DMD: variants seen among roughly 807,000 people sequenced by gnomAD.
DMD encodes the protein mutant dystrophin.
In DMD, 63 loss-of-function variants were observed where a neutral mutation model predicts 330.1. The ratio of observed to expected loss-of-function variants is 0.19; its 90% confidence interval spans 0.16 to 0.24. The LOEUF is 0.24. Among genes scored for constraint, DMD ranks in the 10% least tolerant of loss-of-function variants. The pLI, the probability that DMD is intolerant of heterozygous loss-of-function variation, is 1.00. For synonymous variants in DMD, 1,223 were observed against 959.8 expected (o/e 1.27, Z -5.07); for missense variants, 3,344 against 2,684.1 (o/e 1.25, Z -5.43).
intron 7 of DMD, among the ~76,000 whole-genome samples, chrX:32,786,901 A>G: frequency 9.0e-6 from 1 of 111,603 alleles, no homozygotes; most frequent in South Asian, 3.7e-4. Flanking sequence ...ATTATACAAT[A>G]TCAAGCAATG....
At chrX:33,091,925 TTAAA>T (rs1408131284) in intron 1 of DMD, among the ~76,000 whole-genome samples, 1 of 112,137 alleles carries the variant, frequency 8.9e-6, no homozygotes, top group East Asian at 2.8e-4. Context: ...CAAACCTGAA[TTAAA>T]TAAATACTCT....
chrX:32,292,858 T>C (rs1028366004), intron 42 of DMD, among the ~76,000 whole-genome samples: 4 of 112,268 alleles, frequency 3.6e-5, no homozygotes, highest in Non-Finnish European at 5.6e-5. Context: ...ATAATGTCAG[T>C]TGTAAAAGGT....
At chrX:31,339,198 G>A (rs1279714204) in intron 61 of DMD, among the ~76,000 whole-genome samples, 1 of 111,647 alleles carries the variant, frequency 9.0e-6, no homozygotes, top group African/African-American at 3.3e-5. Flanking sequence ...TAGGGCCAAC[G>A]ATGCAAAATC....
chrX:31,617,108 C>G (rs1248697144), intron 55 of DMD, among the ~76,000 whole-genome samples: 2 of 111,785 alleles, frequency 1.8e-5, no homozygotes, highest in Non-Finnish European at 3.8e-5. Flanking sequence ...TAAAAATGTT[C>G]AAATCATTGG....
chrX:33,186,902 T>C (rs778258698), intron 1 of DMD, among the ~76,000 whole-genome samples: 57 of 112,049 alleles, frequency 5.1e-4, no homozygotes, highest in Middle Eastern at 4.7e-3. Flanking sequence ...AAATTTAAAA[T>C]ATCTTGTCAC....
At chrX:33,087,938 T>C (rs2095032180) in intron 1 of DMD, among the ~76,000 whole-genome samples, 1 of 111,737 alleles carries the variant, frequency 8.9e-6, no homozygotes, top group Non-Finnish European at 1.9e-5. Context: ...CTTCAAGATG[T>C]CACCTCCTTT....
intron 2 of DMD, among the ~76,000 whole-genome samples, chrX:32,993,336 G>A (rs1038430254): frequency 1.8e-5 from 2 of 111,650 alleles, no homozygotes; most frequent in South Asian, 3.7e-4. Context: ...TGGTGCGGTC[G>A]CTCATGCCTG....
intron 5 of DMD, among the ~76,000 whole-genome samples, chrX:32,817,774 A>T (rs1473684206): frequency 8.9e-6 from 1 of 112,235 alleles, no homozygotes; most frequent in Non-Finnish European, 1.9e-5. Flanking sequence ...GCATATTTTA[A>T]CATCTCCAAT....
intron 1 of DMD, among the ~76,000 whole-genome samples, chrX:33,133,198 G>A (rs1042829987): frequency 9.0e-6 from 1 of 111,255 alleles, no homozygotes; most frequent in Non-Finnish European, 1.9e-5. Context: ...GGCTCCTGCT[G>A]AGAGTTGGAG....
chrX:32,886,041 G>A (rs922059413), intron 2 of DMD, among the ~76,000 whole-genome samples: 2 of 110,750 alleles, frequency 1.8e-5, no homozygotes, highest in South Asian at 3.8e-4. Flanking sequence ...ACCAATGACT[G>A]TATAACAACA....
At chrX:33,073,092 A>G (rs940416448) in intron 1 of DMD, among the ~76,000 whole-genome samples, 10 of 112,071 alleles carry the variant, frequency 8.9e-5, no homozygotes, top group African/African-American at 1.9e-4. Context: ...GATTTATAAC[A>G]AAATTATCCA....
chrX:32,464,284 C>T (rs2098393614), intron 24 of DMD, among the ~76,000 whole-genome samples: 1 of 111,128 alleles, frequency 9.0e-6, no homozygotes, highest in African/African-American at 3.3e-5. Flanking sequence ...CTCATTTACT[C>T]AACCCAGGGT....
chrX:33,315,790 C>T, intron 1 of DMD, among the ~76,000 whole-genome samples: 1 of 111,693 alleles, frequency 9.0e-6, no homozygotes, highest in East Asian at 2.8e-4. Flanking sequence ...TTCATAGCTT[C>T]CTAAGATTAG....
chrX:33,321,265 A>G (rs766233813), intron 1 of DMD, among the ~76,000 whole-genome samples: 1 of 111,469 alleles, frequency 9.0e-6, no homozygotes, highest in South Asian at 3.8e-4. Context: ...TACTAAATGT[A>G]TTTCTTAAAT....
chrX:32,257,683 C>T (rs1302659352), intron 43 of DMD, among the ~76,000 whole-genome samples: 5 of 111,721 alleles, frequency 4.5e-5, no homozygotes, highest in Non-Finnish European at 3.8e-5. Flanking sequence ...GCATTAAAGA[C>T]TTAAACCTAA....
At chrX:32,640,047 T>A (rs1174809719) in intron 11 of DMD, among the ~76,000 whole-genome samples, 2 of 109,022 alleles carry the variant, frequency 1.8e-5, no homozygotes. Flanking sequence ...TGCAAAATTT[T>A]TTTAAAAGTT....
intron 44 of DMD, among the ~76,000 whole-genome samples, chrX:32,032,696 G>C (rs1603622586): frequency 8.9e-6 from 1 of 112,188 alleles, no homozygotes; most frequent in East Asian, 2.8e-4. Flanking sequence ...CAAAGGCAAA[G>C]CTCTGATTAG....
chrX:31,137,731 A>C (rs2035444427), intron 76 of DMD, among the ~76,000 whole-genome samples: 1 of 110,662 alleles, frequency 9.0e-6, no homozygotes, highest in African/African-American at 3.3e-5. Flanking sequence ...ACAAGTAAAT[A>C]AGTAAACTAT....
intron 2 of DMD, among the ~76,000 whole-genome samples, chrX:32,998,557 C>T (rs2093190017): frequency 9.2e-6 from 1 of 109,278 alleles, no homozygotes; most frequent in African/African-American, 3.3e-5. Context: ...CTGACTTGAG[C>T]TAACCACATT....
Sources: allele counts gnomAD v4.1 joint callset (sites outside exome capture counted in the v4.1 genomes callset), GRCh38; gene constraint gnomAD v4.1.1; transcripts MANE v1.5; gene names NCBI Gene and HGNC (gene_info 2026-07-23, HGNC 2026-07-21).